Variants in ADAMTS17 observed in about 807,000 individuals in gnomAD.
ADAMTS17 encodes ADAM metallopeptidase with thrombospondin type 1 motif 17, also known as A disintegrin and metalloproteinase with thrombospondin motifs 17.
A neutral mutation model predicts 141.5 loss-of-function variants in ADAMTS17; 113 were observed. The observed-to-expected ratio is 0.80, with a 90% CI of 0.69 to 0.93. ADAMTS17 has a LOEUF of 0.93. Among genes scored for constraint, ADAMTS17 ranks in the 40% least tolerant of loss-of-function variants. The pLI is 0.00. For missense variants in ADAMTS17, 1,659 were observed against 1,517.9 expected (o/e 1.09, Z -1.54); for synonymous variants, 768 against 630.6 (o/e 1.22, Z -3.27).
rs2060272780 is a variant in ADAMTS17 at position 99,974,302 on chromosome 15, G to C, written c.*100C>G. The stretch of plus-strand genomic sequence containing the variant: ...TCATGTTCTATGTAGTTGGATTCTT[G>C]TGGCAGCCGGGTGGGGGCGTGGCCA... On this transcript the variant is annotated 3_prime_UTR_variant, in exon 22 of 22. Coordinates refer to ENST00000268070, the MANE Select transcript of ADAMTS17 (RefSeq NM_139057.4). 1.3e-6 allele frequency: 2 copies of C among 1,504,600 alleles called. No individual in the cohort carries two copies. Among genetic ancestry groups the C allele is most frequent in the African/African-American group, 1.4e-5 (1 of 72,630 alleles). 93.2% of individuals were successfully genotyped at this position (1,504,600 alleles called of 1,614,324 possible).
chr15:100,044,869 G>A (rs191068465), intron 18 of ADAMTS17, among the ~76,000 whole-genome samples: 17 of 151,176 alleles, frequency 1.1e-4, no homozygotes, highest in East Asian at 7.8e-4. Context: ...GTACAGTGGC[G>A]TGATCTCAGC....
At position 100,341,309 on chromosome 15, in the gene ADAMTS17, T is replaced by A. The variant is rs2046358951; in HGVS notation, c.180A>T (p.Arg60=). The A allele has an allele frequency of 2.8e-6, 3 of 1,064,216 alleles. No individual in the cohort carries two copies. The East Asian group carries it at 2.1e-4, about 76-fold the overall frequency. The allele number at this position is 1,064,216 out of a possible 1,614,324, so 65.9% of individuals were successfully genotyped here. A position where few individuals can be genotyped will look rare whatever the true frequency, so the allele number is the denominator to read the frequency against. Residue 60 remains arginine, a synonymous_variant, in exon 2 of 22, where the codon CGA becomes CGT. Transcript: ENST00000268070. ...LPPLPAAPGP[R]RRRRPRTPPA... ...GGGGCGTGCGGGGGCGTCGCCGCCGTCGGGGCCCGGGGGCTGCGGGCAGCG... is the reference window on the plus strand; with the variant it reads ...GGGGCGTGCGGGGGCGTCGCCGCCGACGGGGCCCGGGGGCTGCGGGCAGCG...
At chr15:100,084,957 C>G (rs994431597) in intron 15 of ADAMTS17, among the ~76,000 whole-genome samples, 1 of 152,222 alleles carries the variant, frequency 6.6e-6, no homozygotes, top group African/African-American at 2.4e-5. Flanking sequence ...CAAAGGAACA[C>G]AGCTCCTCAC....
rs1166177736 is a variant in ADAMTS17, at chr15:100,054,142, TG to T, written c.2138-89del. The stretch of plus-strand genomic sequence containing the variant: ...TTAAACGGAATCTACAGCCCCTGAG[TG>T]GGGCAGAGGTCTCCCTTCCACAGGG... On this transcript the variant is annotated intron_variant, in intron 15 of 21. Coordinates refer to ENST00000268070, the MANE Select transcript of ADAMTS17 (RefSeq NM_139057.4). 3 of 1,485,900 alleles carry T rather than the reference TG, an allele frequency of 2.0e-6. No individual in the cohort carries two copies. In the East Asian group the frequency reaches 6.8e-5, roughly 34 times the overall value. 92.0% of individuals were successfully genotyped at this position (1,485,900 alleles called of 1,614,324 possible). A position where few individuals can be genotyped will look rare whatever the true frequency, so the allele number is the denominator to read the frequency against.
chr15:100,165,504 C>T (rs1050925086), intron 8 of ADAMTS17, among the ~76,000 whole-genome samples: 1 of 152,214 alleles, frequency 6.6e-6, no homozygotes, highest in Non-Finnish European at 1.5e-5. Flanking sequence ...TCCCATTCTC[C>T]TTCCCACAAT....
chr15:100,262,443 G>A lies in ADAMTS17; in HGVS notation c.790-8C>T, dbSNP rs760469819. 1 of 1,608,272 alleles carries A rather than the reference G, an allele frequency of 6.2e-7. No homozygotes were observed. Among genetic ancestry groups the A allele is most frequent in the South Asian group, 1.1e-5 (1 of 90,000 alleles). ...CTGAAACATATTGTATACCTATCAA[G>A]ACAGAAAAAAGAAATAAAGATATAA... On this transcript the variant is annotated splice_polypyrimidine_tract_variant and splice_region_variant and intron_variant, in intron 4 of 21. Transcript: ENST00000268070.
chr15:100,045,951 G>A (rs2031648774), intron 18 of ADAMTS17, among the ~76,000 whole-genome samples: 1 of 152,150 alleles, frequency 6.6e-6, no homozygotes, highest in African/African-American at 2.4e-5. Context: ...TGTGATCTCA[G>A]CTCACTGCAA....
chr15:100,004,018 A>G (rs74624432), intron 18 of ADAMTS17, among the ~76,000 whole-genome samples: 8,247 of 152,342 alleles, frequency 0.054, 349 homozygotes, highest in Admixed American at 0.14. Context: ...GGTAAATTTT[A>G]TGTGTATTTT....
intron 10 of ADAMTS17, among the ~76,000 whole-genome samples, chr15:100,135,286 C>CTTT (rs57372602): frequency 2.8e-5 from 4 of 145,086 alleles, no homozygotes; most frequent in Non-Finnish European, 3.0e-5. Context: ...AAATTAACAA[C>CTTT]TTTTTTTTTT....
At chr15:100,007,535 C>T (rs1375929769) in intron 18 of ADAMTS17, among the ~76,000 whole-genome samples, 1 of 152,082 alleles carries the variant, frequency 6.6e-6, no homozygotes, top group Non-Finnish European at 1.5e-5. Flanking sequence ...ATTCTCCTGC[C>T]TCAGCCTCCC....
chr15:100,072,313 T>C (rs2034033984), intron 15 of ADAMTS17, among the ~76,000 whole-genome samples: 1 of 148,620 alleles, frequency 6.7e-6, no homozygotes, highest in African/African-American at 2.5e-5. Context: ...ATCAATATCA[T>C]GAAAATGGCC....
intron 7 of ADAMTS17, among the ~76,000 whole-genome samples, chr15:100,250,194 T>C (rs866225357): frequency 6.6e-6 from 1 of 152,234 alleles, no homozygotes; most frequent in Non-Finnish European, 1.5e-5. Context: ...CCATCAAGTT[T>C]TGCCCTCTTT....
chr15:100,039,429 G>T (rs775008480), intron 18 of ADAMTS17, among the ~76,000 whole-genome samples: 1 of 152,096 alleles, frequency 6.6e-6, no homozygotes, highest in Non-Finnish European at 1.5e-5. Context: ...CCTAAGTTCT[G>T]TTATATTGTG....
At chr15:99,977,181 G>A (rs2060352805) in intron 20 of ADAMTS17, among the ~76,000 whole-genome samples, 1 of 151,086 alleles carries the variant, frequency 6.6e-6, no homozygotes, top group Non-Finnish European at 1.5e-5. Flanking sequence ...CTAACATGTG[G>A]CTGACGGTGT....
intron 10 of ADAMTS17, among the ~76,000 whole-genome samples, chr15:100,149,508 C>T (rs2039064861): frequency 6.6e-6 from 1 of 152,170 alleles, no homozygotes; most frequent in South Asian, 2.1e-4. Context: ...CCTGCTTTGA[C>T]CTGAGTCACC....
At chr15:100,141,506 G>T (rs951114614) in intron 10 of ADAMTS17, among the ~76,000 whole-genome samples, 1 of 152,216 alleles carries the variant, frequency 6.6e-6, no homozygotes, top group African/African-American at 2.4e-5. Flanking sequence ...AGAGCTGGAT[G>T]AAAAAGTGAC....
At chr15:100,254,574 G>C (rs912179702) in intron 6 of ADAMTS17, among the ~76,000 whole-genome samples, 2 of 152,100 alleles carry the variant, frequency 1.3e-5, no homozygotes, top group South Asian at 4.2e-4. Flanking sequence ...GGCAGCAACT[G>C]GTTTTTGATG....
intron 8 of ADAMTS17, among the ~76,000 whole-genome samples, chr15:100,167,934 G>A (rs2040012782): frequency 1.3e-5 from 2 of 152,170 alleles, no homozygotes; most frequent in African/African-American, 4.8e-5. Flanking sequence ...TCCCTTCTGG[G>A]GCCTGCTCTG....
intron 7 of ADAMTS17, among the ~76,000 whole-genome samples, chr15:100,238,850 C>T (rs1300563290): frequency 6.6e-6 from 1 of 152,112 alleles, no homozygotes; most frequent in African/African-American, 2.4e-5. Context: ...TTTGGGAGGC[C>T]CAGGAGGGCA....
Sources: allele counts gnomAD v4.1 joint callset (sites outside exome capture counted in the v4.1 genomes callset), GRCh38; gene constraint gnomAD v4.1.1; transcripts MANE v1.5; gene names NCBI Gene and HGNC (gene_info 2026-07-23, HGNC 2026-07-21).